The following MYO1D variants were observed in gnomAD, a reference collection of about 807,000 sequenced individuals.
The protein encoded by MYO1D is myosin ID, also known as unconventional myosin-Id.
In MYO1D, 83 loss-of-function variants were observed where a neutral mutation model predicts 122.0. The observed-to-expected ratio is 0.68, with a 90% CI of 0.57 to 0.82. The LOEUF (loss-of-function observed/expected upper bound fraction) is 0.82. Among genes scored for constraint, MYO1D ranks in the 40% least tolerant of loss-of-function variants. MYO1D has a pLI of 0.00. For missense variants in MYO1D, 1,157 were observed against 1,269.5 expected (o/e 0.91, Z 1.35); for synonymous variants, 464 against 446.9 (o/e 1.04, Z -0.48).
intron 1 of MYO1D, among the ~76,000 whole-genome samples, chr17:32,819,284 T>C (rs977840518): frequency 9.9e-5 from 15 of 152,186 alleles, no homozygotes; most frequent in African/African-American, 2.4e-4. Context: ...GCAGGGAAGT[T>C]GGCTGTGAGG....
At chr17:32,848,901 A>T (rs998343258) in intron 1 of MYO1D, among the ~76,000 whole-genome samples, 2 of 152,262 alleles carry the variant, frequency 1.3e-5, no homozygotes, top group Admixed American at 6.5e-5. Flanking sequence ...ACCATTTCAT[A>T]GACACTGCCA....
chr17:32,780,466 C>T (rs968375226), intron 2 of MYO1D, 110 bp downstream of exon 2: 2 of 1,090,966 alleles, frequency 1.8e-6, no homozygotes, highest in Admixed American at 2.0e-5. Flanking sequence ...TATAGAATTG[C>T]TCAGGCTTCT....
rs758404046 is a variant in MYO1D at position 32,760,482 on chromosome 17, CTGT to C, written c.1178_1180del (p.Asn393del). ...GTTTTAAGTATCTTTTCCAGTTTACCTGTTGTTGTCAAAGATTTCAAAGCCATA... is the reference window on the plus strand; with the variant it reads ...GTTTTAAGTATCTTTTCCAGTTTACCTGTTGTCAAAGATTTCAAAGCCATA... On this transcript the variant is annotated inframe_deletion and splice_region_variant, in exon 9 of 22. Coordinates refer to ENST00000318217, the MANE Select transcript of MYO1D (RefSeq NM_015194.3). 7.4e-6 allele frequency: 12 copies of C among 1,612,348 alleles called. No homozygotes were observed. The highest frequency in any genetic ancestry group is 1.3e-5 in the African/African-American group (1 of 74,852).
At chr17:32,687,680 T>G (rs147214447) in intron 16 of MYO1D, among the ~76,000 whole-genome samples, 1 of 152,206 alleles carries the variant, frequency 6.6e-6, no homozygotes. Flanking sequence ...GATTACTCCA[T>G]TTGCTTGGTA....
intron 21 of MYO1D, among the ~76,000 whole-genome samples, chr17:32,535,117 C>A (rs1422016070): frequency 6.6e-6 from 1 of 152,068 alleles, no homozygotes; most frequent in Non-Finnish European, 1.5e-5. Context: ...GGACAGTTTT[C>A]CACCAAATCA....
chr17:32,644,890 T>C (rs539353323), intron 19 of MYO1D, among the ~76,000 whole-genome samples: 6 of 152,354 alleles, frequency 3.9e-5, no homozygotes, highest in African/African-American at 9.6e-5. Flanking sequence ...TGTCTTTTAA[T>C]TGGAGCATTT....
At position 32,776,934 on chromosome 17, in the gene MYO1D, G is replaced by T. The variant is rs150061563; in HGVS notation, c.399-905C>A. ...ATAACTTTGGCCTCTGAAATAACTT[G>T]ATGTAGAAGATCTACTGTTACTCCC... On this transcript the variant is annotated intron_variant, in intron 3 of 21. Transcript: ENST00000318217. Among the ~76,000 whole-genome samples the T allele has an allele frequency of 3.5e-3, 528 of 152,214 alleles. 3 individuals carry two copies. Among genetic ancestry groups the T allele is most frequent in the African/African-American group, 0.012 (493 of 41,530 alleles).
intron 21 of MYO1D, among the ~76,000 whole-genome samples, chr17:32,584,094 A>G (rs62062517): frequency 0.099 from 15,076 of 152,078 alleles, 817 homozygotes; most frequent in East Asian, 0.16. Context: ...GTGAGCCACC[A>G]TGTCCAGCTG....
intron 21 of MYO1D, chr17:32,523,464 G>T (rs1170056694): frequency 6.6e-6 from 1 of 152,236 alleles, no homozygotes; most frequent in African/African-American, 2.4e-5. Context: ...AAGGGCAGAA[G>T]TGCGAAATGT....
At chr17:32,535,590 A>T (rs1479546054) in intron 21 of MYO1D, among the ~76,000 whole-genome samples, 1 of 152,150 alleles carries the variant, frequency 6.6e-6, no homozygotes, top group African/African-American at 2.4e-5. Flanking sequence ...TACTAAAAAC[A>T]CACACAAAAA....
chr17:32,717,355 A>ATT (rs2089461464), intron 15 of MYO1D, among the ~76,000 whole-genome samples: 1 of 152,152 alleles, frequency 6.6e-6, no homozygotes, highest in Non-Finnish European at 1.5e-5. Context: ...TCCCATTTTA[A>ATT]TTTTTGTTCC....
chr17:32,733,025 C>T (rs1028834664), intron 14 of MYO1D, among the ~76,000 whole-genome samples: 40 of 152,184 alleles, frequency 2.6e-4, no homozygotes, highest in African/African-American at 9.4e-4. Flanking sequence ...TGGAGCTGCC[C>T]GCTCTGCTGC....
chr17:32,784,446 CT>C (rs397971659), intron 1 of MYO1D, among the ~76,000 whole-genome samples: 13 of 148,806 alleles, frequency 8.7e-5, no homozygotes, highest in African/African-American at 7.4e-5. Flanking sequence ...GCTCTGTTAC[CT>C]TTTTTTTTTC....
chr17:32,591,981 T>C (rs760394174), intron 21 of MYO1D, among the ~76,000 whole-genome samples: 15 of 152,262 alleles, frequency 9.9e-5, no homozygotes, highest in Non-Finnish European at 1.6e-4. Flanking sequence ...TGCATGCTGC[T>C]TAATTGTATG....
intron 1 of MYO1D, among the ~76,000 whole-genome samples, chr17:32,851,912 G>A (rs868025740): frequency 2.4e-4 from 37 of 152,212 alleles, no homozygotes; most frequent in Middle Eastern, 3.2e-3. Context: ...CCACCGTACC[G>A]GTCAGGGGCC....
At chr17:32,524,618 C>CAGTG (rs1910278110) in intron 21 of MYO1D, among the ~76,000 whole-genome samples, 2 of 145,036 alleles carry the variant, frequency 1.4e-5, no homozygotes, top group Middle Eastern at 7.7e-3. Context: ...GGCTGGAGTG[C>CAGTG]AGTGGCATGA....
At chr17:32,642,693 G>C (rs1339790461) in intron 19 of MYO1D, among the ~76,000 whole-genome samples, 1 of 152,136 alleles carries the variant, frequency 6.6e-6, no homozygotes, top group Non-Finnish European at 1.5e-5. Flanking sequence ...TGAAGCAATT[G>C]TGAATGGGAG....
At chr17:32,602,757 G>T (rs528315814) in intron 21 of MYO1D, 1 of 152,190 alleles carries the variant, frequency 6.6e-6, no homozygotes, top group Admixed American at 6.5e-5. Flanking sequence ...TAAAGAATTG[G>T]TCTGAAGTTA....
At position 32,493,744 on chromosome 17, in the gene MYO1D, G is replaced by A. The variant is rs926184542; in HGVS notation, c.*1015C>T. ...CAAGGGGCCGTGTAGAGGGCGGGGT[G>A]GGCATCCTGGCCTGGCCTGCAGTGC... On this transcript the variant is annotated 3_prime_UTR_variant, in exon 22 of 22. Transcript: ENST00000318217. 6.7e-6 allele frequency: 1 copy of A among 150,120 alleles called. No homozygotes were observed. Among genetic ancestry groups the A allele is most frequent in the Non-Finnish European group, 1.5e-5 (1 of 67,226 alleles). 9.3% of individuals were successfully genotyped at this position (150,120 alleles called of 1,614,324 possible).
Sources: allele counts gnomAD v4.1 joint callset (sites outside exome capture counted in the v4.1 genomes callset), GRCh38; gene constraint gnomAD v4.1.1; transcripts MANE v1.5; gene names NCBI Gene and HGNC (gene_info 2026-07-23, HGNC 2026-07-21).